BMP6: variants seen among roughly 807,000 people sequenced by gnomAD.
BMP6 encodes the protein bone morphogenetic protein 6, also known as VG-1-R.
BMP6 carries 17 observed loss-of-function variants against 54.1 expected under a neutral mutation model. The ratio of observed to expected loss-of-function variants is 0.31; its 90% CI spans 0.22 to 0.47. BMP6 has a LOEUF of 0.47. BMP6 is among the 20% of genes least tolerant of loss of function. The pLI is 1.00. For synonymous variants in BMP6, 328 were observed against 291.2 expected (o/e 1.13, Z -1.28); for missense variants, 720 against 690.4 (o/e 1.04, Z -0.48).
chr6:7,736,277 A>C (rs1463554070), intron 1 of BMP6, among the ~76,000 whole-genome samples: 1 of 152,234 alleles, frequency 6.6e-6, no homozygotes, highest in East Asian at 1.9e-4. Context: ...TGTTTGATCC[A>C]TGCTAGGCAG....
intron 1 of BMP6, among the ~76,000 whole-genome samples, chr6:7,832,197 C>CT (rs1017338585): frequency 3.9e-5 from 6 of 152,176 alleles, no homozygotes; most frequent in African/African-American, 1.4e-4. Flanking sequence ...TGGATTCAAT[C>CT]TTAAAGGAAG....
rs572658761 is a variant in BMP6, at chr6:7,812,826, C to T, written c.665-32314C>T. Reference sequence around the variant, plus strand: ...TATGTTTCTGAAAGTGCCGTGGTGACCTCACCCACATGATTGACATGGTGT... The same window carrying T: ...TATGTTTCTGAAAGTGCCGTGGTGATCTCACCCACATGATTGACATGGTGT... On this transcript the variant is annotated intron_variant, in intron 1 of 6. Transcript: ENST00000283147. Among the ~76,000 whole-genome samples the T allele has an allele frequency of 9.9e-5, 15 of 151,736 alleles. No individual in the cohort carries two copies. The East Asian group carries it at 2.7e-3, about 28-fold the overall frequency.
chr6:7,824,829 T>A (rs371215674), intron 1 of BMP6, among the ~76,000 whole-genome samples: 8 of 152,256 alleles, frequency 5.3e-5, no homozygotes, highest in African/African-American at 1.9e-4. Flanking sequence ...CACTTCACTT[T>A]CAGATGGAAT....
Position 7,727,618 on chromosome 6 carries a change from G to C in BMP6, c.663G>C (p.Leu221=), listed in dbSNP as rs1427714319. Residue 221 remains leucine (L), a splice_region_variant and synonymous_variant, in exon 1 of 7, where the codon CTG becomes CTC. Coordinates refer to ENST00000283147, the MANE Select transcript of BMP6 (RefSeq NM_001718.6). ...DADMVMSFVN[L]VEYDKEFSPR... ...ACATGGTCATGAGCTTTGTGAACCT[G>C]GGTAAGGATTTGGGGTAACGTAATG... 1 of 1,547,306 alleles carries C rather than the reference G, an allele frequency of 6.5e-7. No homozygotes were observed. Among genetic ancestry groups the C allele is most frequent in the East Asian group, 2.3e-5 (1 of 43,178 alleles).
At chr6:7,756,700 A>G (rs768581733) in intron 1 of BMP6, among the ~76,000 whole-genome samples, 6 of 152,228 alleles carry the variant, frequency 3.9e-5, no homozygotes, top group Non-Finnish European at 5.9e-5. Context: ...TTGCAGATCA[A>G]TTTGATCCTT....
In BMP6 at chr6:7,880,755, A is replaced by T. The variant is rs1351628244; in HGVS notation, c.*412A>T. ...TGGCTAAAGGATCAGCTGGTTCAGT[A>T]CTGTCTATCAAAGGTAGATTTTACA... On this transcript the variant is annotated 3_prime_UTR_variant, in exon 7 of 7. Coordinates refer to ENST00000283147, the MANE Select transcript of BMP6 (RefSeq NM_001718.6). The T allele has an allele frequency of 4.1e-6, 1 of 241,906 alleles. No homozygotes were observed. The highest frequency in any genetic ancestry group is 9.6e-5 in the East Asian group (1 of 10,468). The allele number at this position is 241,906 out of a possible 1,614,324, so 15.0% of individuals were successfully genotyped here.
chr6:7,744,224 C>T (rs746146031), intron 1 of BMP6, among the ~76,000 whole-genome samples: 10 of 152,050 alleles, frequency 6.6e-5, no homozygotes, highest in Admixed American at 1.3e-4. Context: ...CGGTTGCTCA[C>T]GCTTGTAATC....
chr6:7,791,711 C>G (rs1247072669), intron 1 of BMP6, among the ~76,000 whole-genome samples: 1 of 152,140 alleles, frequency 6.6e-6, no homozygotes, highest in Non-Finnish European at 1.5e-5. Flanking sequence ...GCCACTCTTT[C>G]TGTGTTCCCT....
chr6:7,813,108 A>AAAAAAAAAATATAT (rs1554122651), intron 1 of BMP6, among the ~76,000 whole-genome samples: 1 of 21,496 alleles, frequency 4.7e-5, no homozygotes, highest in Non-Finnish European at 7.6e-5. Flanking sequence ...AAAAAAAAAA[A>AAAAAAAAAATATAT]ATATATATAT....
At position 7,843,718 on chromosome 6, in the gene BMP6, C is replaced by T. The variant is rs1401306245; in HGVS notation, c.665-1422C>T. On this transcript the variant is annotated intron_variant, in intron 1 of 6. Transcript: ENST00000283147. ...GGTTTATGGTGGGAAACAGAGCACT[C>T]CTTTTTTCCTTTTACAGCAATTATA... 1.1e-4 allele frequency among the ~76,000 whole-genome samples: 16 copies of T among 152,220 alleles called. No individual in the cohort carries two copies. In the South Asian group the frequency reaches 1.4e-3, roughly 14 times the overall value.
At chr6:7,805,160 A>ATGAT in intron 1 of BMP6, among the ~76,000 whole-genome samples, 1 of 152,228 alleles carries the variant, frequency 6.6e-6, no homozygotes. Flanking sequence ...GATCCAGTAG[A>ATGAT]CAGTGACGTG....
intron 1 of BMP6, among the ~76,000 whole-genome samples, chr6:7,777,154 A>G (rs1757873868): frequency 6.6e-6 from 1 of 152,176 alleles, no homozygotes; most frequent in Admixed American, 6.5e-5. Flanking sequence ...TCCACCTGAG[A>G]AGGTCATCCT....
chr6:7,796,304 C>A (rs1190043794), intron 1 of BMP6, among the ~76,000 whole-genome samples: 1 of 152,180 alleles, frequency 6.6e-6, no homozygotes, highest in African/African-American at 2.4e-5. Context: ...ACATTGGTGG[C>A]CCAAGGGAGG....
chr6:7,849,204 T>A (rs1410084541), intron 2 of BMP6, among the ~76,000 whole-genome samples: 1 of 152,214 alleles, frequency 6.6e-6, no homozygotes, highest in Admixed American at 6.5e-5. Context: ...GAATGGCAAA[T>A]GTTTTCATAG....
At chr6:7,794,780 G>C (rs977170308) in intron 1 of BMP6, among the ~76,000 whole-genome samples, 1 of 152,084 alleles carries the variant, frequency 6.6e-6, no homozygotes, top group African/African-American at 2.4e-5. Flanking sequence ...ACTTGCCCAG[G>C]GTCGTAAGTG....
intron 4 of BMP6, among the ~76,000 whole-genome samples, chr6:7,871,592 G>C (rs1213339987): frequency 6.6e-6 from 1 of 152,222 alleles, no homozygotes; most frequent in African/African-American, 2.4e-5. Context: ...TCTTGAGGGG[G>C]AAAATTGCCT....
intron 1 of BMP6, among the ~76,000 whole-genome samples, chr6:7,765,730 G>A (rs1757676779): frequency 6.6e-6 from 1 of 152,252 alleles, no homozygotes; most frequent in Non-Finnish European, 1.5e-5. Flanking sequence ...TCACAGCTGT[G>A]TAAAGCAGAG....
intron 1 of BMP6, among the ~76,000 whole-genome samples, chr6:7,802,583 T>C (rs745315210): frequency 1.3e-5 from 2 of 152,102 alleles, no homozygotes. Flanking sequence ...AGGACAACAC[T>C]ATTTGATGGG....
chr6:7,743,245 A>G (rs181464803), intron 1 of BMP6, among the ~76,000 whole-genome samples: 95 of 152,260 alleles, frequency 6.2e-4, no homozygotes, highest in African/African-American at 2.1e-3. Context: ...TAAGTAGTTT[A>G]TTGCTGTTTT....
Sources: gnomAD v4.1 joint callset for allele counts (sites outside exome capture counted in the v4.1 genomes callset) on GRCh38, gnomAD v4.1.1 for gene constraint, MANE v1.5 for transcripts, NCBI Gene and HGNC (gene_info 2026-07-23, HGNC 2026-07-21) for gene names.